PRP4K: variants seen among roughly 807,000 people sequenced by gnomAD.
PRP4K encodes the protein serine/threonine-protein kinase PRP4 homolog.
the PRP4K span, among the ~76,000 whole-genome samples, chr6:4,059,696 A>G: frequency 2.0e-5 from 3 of 152,140 alleles, no homozygotes; most frequent in African/African-American, 7.2e-5. Context: ...CCCAGGGTGA[A>G]GTGCAATGGC....
the PRP4K span, among the ~76,000 whole-genome samples, chr6:4,025,397 GTT>G: frequency 6.6e-6 from 1 of 152,166 alleles, no homozygotes; most frequent in Non-Finnish European, 1.5e-5. Flanking sequence ...AATGTTTCAA[GTT>G]TTCCAGATTG....
chr6:4,042,611 A>T, the PRP4K span: 1 of 1,520,422 alleles, frequency 6.6e-7, no homozygotes, highest in Admixed American at 2.1e-5. Context: ...GTAGTAAAAG[A>T]TTTTTTTGCT....
chr6:4,040,601 A>G, the PRP4K span, among the ~76,000 whole-genome samples: 1 of 152,208 alleles, frequency 6.6e-6, no homozygotes, highest in Non-Finnish European at 1.5e-5. Context: ...TTTTACTTAA[A>G]ATTTTCAAAC....
At chr6:4,024,261 A>G in the PRP4K span, among the ~76,000 whole-genome samples, 1 of 151,942 alleles carries the variant, frequency 6.6e-6, no homozygotes, top group Admixed American at 6.6e-5. Flanking sequence ...TGCAGGTACT[A>G]GGGAGTCTGA....
the PRP4K span, chr6:4,037,457 C>T: frequency 1.7e-4 from 273 of 1,613,916 alleles, no homozygotes; most frequent in Non-Finnish European, 2.2e-4. Flanking sequence ...CCAGCCCCAT[C>T]AATAGATGGT....
At chr6:4,052,508 T>C in the PRP4K span, among the ~76,000 whole-genome samples, 1 of 152,192 alleles carries the variant, frequency 6.6e-6, no homozygotes, top group Non-Finnish European at 1.5e-5. Context: ...ATTTAGAAAA[T>C]TTGAATTTAT....
the PRP4K span, among the ~76,000 whole-genome samples, chr6:4,046,442 T>G: frequency 1.3e-5 from 2 of 152,282 alleles, no homozygotes; most frequent in Non-Finnish European, 2.9e-5. Context: ...TAGAAAATCC[T>G]TTTATTTTTT....
chr6:4,031,959 G>A, the PRP4K span: 2 of 1,613,974 alleles, frequency 1.2e-6, no homozygotes, highest in Admixed American at 3.3e-5. Context: ...TGAAGAAGAG[G>A]GGGAAATTCA....
At chr6:4,060,583 C>T in the PRP4K span, 2 of 1,613,630 alleles carry the variant, frequency 1.2e-6, no homozygotes, top group Non-Finnish European at 8.5e-7. The surrounding 1 kb of genome is among the most constrained non-coding windows in gnomAD (Gnocchi z 4.7). Context: ...TCAACCAGGC[C>T]CTACAGCACG....
At chr6:4,040,730 A>G in the PRP4K span, 1 of 1,585,066 alleles carries the variant, frequency 6.3e-7, no homozygotes, top group Admixed American at 1.8e-5. Context: ...TCCCACTTTG[A>G]CATTTAAAAA....
chr6:4,059,802 C>T, the PRP4K span, among the ~76,000 whole-genome samples: 7 of 152,216 alleles, frequency 4.6e-5, no homozygotes, highest in Non-Finnish European at 7.4e-5. Context: ...TGTGCCACCA[C>T]GCCTGGATAA....
At chr6:4,038,988 A>T in the PRP4K span, among the ~76,000 whole-genome samples, 1 of 150,096 alleles carries the variant, frequency 6.7e-6, no homozygotes, top group African/African-American at 2.5e-5. Context: ...CCACGTATTA[A>T]CATTTTATTC....
the PRP4K span, among the ~76,000 whole-genome samples, chr6:4,030,870 A>G: frequency 6.6e-6 from 1 of 152,210 alleles, no homozygotes; most frequent in Non-Finnish European, 1.5e-5. Context: ...CTTCCGGTTT[A>G]GTTCACTTTG....
At chr6:4,048,374 G>C in the PRP4K span, among the ~76,000 whole-genome samples, 1 of 93,594 alleles carries the variant, frequency 1.1e-5, no homozygotes, top group African/African-American at 3.5e-5. Context: ...GCAAGACTCC[G>C]TCTCAAAAAA....
the PRP4K span, among the ~76,000 whole-genome samples, chr6:4,028,825 C>T: frequency 2.0e-4 from 31 of 152,150 alleles, no homozygotes; most frequent in South Asian, 1.0e-3. Context: ...CTCAGTCATA[C>T]CGCCATTCTC....
chr6:4,052,115 C>A, the PRP4K span: 1 of 1,527,010 alleles, frequency 6.5e-7, no homozygotes, highest in Non-Finnish European at 8.8e-7. Context: ...AAAACGTGTG[C>A]ATTAAATTGC....
chr6:4,049,140 A>G, the PRP4K span: 2 of 1,528,676 alleles, frequency 1.3e-6, no homozygotes, highest in Non-Finnish European at 1.8e-6. Flanking sequence ...TTTAGAGTTC[A>G]TTGTAACACC....
the PRP4K span, among the ~76,000 whole-genome samples, chr6:4,022,303 TG>T: frequency 1.6e-5 from 2 of 123,882 alleles, no homozygotes; most frequent in African/African-American, 3.6e-5. Context: ...AAATGAAAAA[TG>T]AAAAAAAAAA....
At chr6:4,034,165 T>A in the PRP4K span, among the ~76,000 whole-genome samples, 2 of 152,182 alleles carry the variant, frequency 1.3e-5, no homozygotes, top group Non-Finnish European at 2.9e-5. Flanking sequence ...GAATTTTTTT[T>A]TTTAACAAAA....
Sources: allele counts gnomAD v4.1 joint callset (sites outside exome capture counted in the v4.1 genomes callset), GRCh38; gene constraint gnomAD v4.1.1; non-coding constraint Gnocchi (gnomAD v3.1); transcripts MANE v1.5; gene names NCBI Gene and HGNC (gene_info 2026-07-23, HGNC 2026-07-21).